Variants in ZNF148 observed in about 807,000 individuals in gnomAD.
ZNF148 encodes Beta-Enolase Repressor Factor-1.
Under a neutral mutation model 67.7 loss-of-function variants are expected in ZNF148, and 7 were observed. The observed-to-expected ratio is 0.10, with a 90% CI of 0.06 to 0.19. The LOEUF (loss-of-function observed/expected upper bound fraction) is 0.19. Ranked by LOEUF, ZNF148 falls within the 10% of genes least tolerant of loss-of-function variation. ZNF148 has a pLI of 1.00. For synonymous variants in ZNF148, 333 were observed against 330.7 expected, an observed-to-expected ratio of 1.01 and a Z score of -0.08; for missense variants, 583 against 947.1, an observed-to-expected ratio of 0.62 and a Z score of 5.05.
chr3:125,331,942 T>C (rs915172688), intron 1 of ZNF148, among the ~76,000 whole-genome samples: 62 of 152,136 alleles, frequency 4.1e-4, no homozygotes, highest in Admixed American at 2.4e-3. Flanking sequence ...TTATCAGAAA[T>C]AAAGAACAAG....
chr3:125,341,912 C>G (rs1941737836), intron 1 of ZNF148, among the ~76,000 whole-genome samples: 1 of 149,684 alleles, frequency 6.7e-6, no homozygotes, highest in Admixed American at 6.8e-5. Flanking sequence ...AGGGGAATGA[C>G]TTGAGCCTGG....
intron 7 of ZNF148, among the ~76,000 whole-genome samples, chr3:125,245,962 G>A (rs1249562667): frequency 1.3e-5 from 2 of 152,088 alleles, no homozygotes; most frequent in Admixed American, 6.6e-5. Flanking sequence ...ACCTGTCTTC[G>A]CAATTCCCCA....
intron 4 of ZNF148, among the ~76,000 whole-genome samples, chr3:125,297,811 G>C (rs557364266): frequency 1.3e-5 from 2 of 152,244 alleles, no homozygotes; most frequent in South Asian, 4.1e-4. Flanking sequence ...AAAAACTTCT[G>C]TCAGTATGTA....
At chr3:125,260,500 A>G (rs952506573) in intron 7 of ZNF148, among the ~76,000 whole-genome samples, 3 of 152,226 alleles carry the variant, frequency 2.0e-5, no homozygotes, top group Non-Finnish European at 4.4e-5. Context: ...TAAGTGAAGT[A>G]AGTCAGATTC....
intron 7 of ZNF148, among the ~76,000 whole-genome samples, chr3:125,252,084 T>C (rs922770241): frequency 4.6e-5 from 7 of 152,196 alleles, no homozygotes; most frequent in African/African-American, 1.7e-4. Context: ...ATATCCTTTT[T>C]GTGTTTCTGT....
intron 7 of ZNF148, among the ~76,000 whole-genome samples, chr3:125,264,550 G>GT (rs1165883674): frequency 2.3e-4 from 35 of 152,142 alleles, no homozygotes; most frequent in Admixed American, 2.3e-3. Context: ...CATCTGCCTT[G>GT]TTTTTTAATT....
chr3:125,231,563 C>G lies in ZNF148; in HGVS notation c.*778G>C, dbSNP rs1935854977. The G allele has an allele frequency of 6.6e-6, 1 of 152,428 alleles. No homozygotes were observed. Among genetic ancestry groups the G allele is most frequent in the South Asian group, 2.1e-4 (1 of 4,828 alleles). 9.4% of individuals were successfully genotyped at this position (152,428 alleles called of 1,614,324 possible). On this transcript the variant is annotated 3_prime_UTR_variant, in exon 9 of 9. Transcript: ENST00000360647. ...TAAAACTTCAAAACCTTGATACCTG[C>G]ACATGAAAAATCATAAAAAATATCT... is the stretch of plus-strand genomic sequence containing the variant.
intron 7 of ZNF148, among the ~76,000 whole-genome samples, chr3:125,252,538 G>T (rs1936885166): frequency 6.6e-6 from 1 of 152,018 alleles, no homozygotes; most frequent in Non-Finnish European, 1.5e-5. Flanking sequence ...CCCTGCATGA[G>T]GCGGGTGGAT....
At chr3:125,281,030 T>C (rs1938356657) in intron 5 of ZNF148, among the ~76,000 whole-genome samples, 1 of 152,202 alleles carries the variant, frequency 6.6e-6, no homozygotes, top group Admixed American at 6.5e-5. Flanking sequence ...CTTTAATCCT[T>C]AAAACATTTT....
intron 4 of ZNF148, among the ~76,000 whole-genome samples, chr3:125,289,529 T>C (rs566304660): frequency 8.5e-5 from 13 of 152,318 alleles, no homozygotes; most frequent in Admixed American, 2.6e-4. Context: ...CAAAATACGA[T>C]GGTAAAATCA....
intron 2 of ZNF148, among the ~76,000 whole-genome samples, chr3:125,326,972 C>T (rs1215147653): frequency 6.6e-6 from 1 of 151,058 alleles, no homozygotes; most frequent in Non-Finnish European, 1.5e-5. Flanking sequence ...GGAAAGGCAG[C>T]GACTGTCGGA....
intron 5 of ZNF148, among the ~76,000 whole-genome samples, chr3:125,279,994 C>T (rs1244186892): frequency 6.6e-6 from 1 of 150,596 alleles, no homozygotes; most frequent in African/African-American, 2.4e-5. Context: ...TTACCTATTA[C>T]TAAAAAAAAA....
intron 1 of ZNF148, among the ~76,000 whole-genome samples, chr3:125,372,063 CAAA>C (rs35024355): frequency 9.3e-4 from 108 of 115,670 alleles, no homozygotes; most frequent in African/African-American, 2.4e-3. Context: ...GACTCCGTCT[CAAA>C]AAAAAAAAAA....
intron 7 of ZNF148, among the ~76,000 whole-genome samples, chr3:125,236,883 T>C (rs1185479135): frequency 6.6e-6 from 1 of 152,114 alleles, no homozygotes; most frequent in Non-Finnish European, 1.5e-5. Context: ...CTTACTACAA[T>C]GAATCCAGAC....
chr3:125,322,280 C>A (rs1238405387), intron 3 of ZNF148, among the ~76,000 whole-genome samples: 3 of 152,020 alleles, frequency 2.0e-5, no homozygotes, highest in South Asian at 2.1e-4. Flanking sequence ...CCAGCCTCAG[C>A]CTGCCAGCCT....
chr3:125,372,082 A>G (rs1366473282), intron 1 of ZNF148, among the ~76,000 whole-genome samples: 1 of 142,404 alleles, frequency 7.0e-6, no homozygotes, highest in Non-Finnish European at 1.5e-5. Flanking sequence ...AAAAAAAAAA[A>G]TACTGCAATC....
intron 1 of ZNF148, among the ~76,000 whole-genome samples, chr3:125,369,286 A>AAAG (rs1942798578): frequency 7.3e-6 from 1 of 136,926 alleles, no homozygotes; most frequent in Non-Finnish European, 1.6e-5. Flanking sequence ...AAAAAAAAAA[A>AAAG]GCCATAGAAG....
intron 1 of ZNF148, among the ~76,000 whole-genome samples, chr3:125,333,754 C>T (rs1469506647): frequency 6.6e-6 from 1 of 152,124 alleles, no homozygotes; most frequent in Non-Finnish European, 1.5e-5. Flanking sequence ...CAGATATAAA[C>T]AGATTAAGAC....
chr3:125,271,560 G>A (rs80330208), intron 7 of ZNF148, among the ~76,000 whole-genome samples: 4,079 of 152,262 alleles, frequency 0.027, 75 homozygotes, highest in South Asian at 0.062. Flanking sequence ...CACAAACTTC[G>A]AAGAGCTAGA....
Sources: allele counts gnomAD v4.1 joint callset (sites outside exome capture counted in the v4.1 genomes callset), GRCh38; gene constraint gnomAD v4.1.1; transcripts MANE v1.5; gene names NCBI Gene and HGNC (gene_info 2026-07-23, HGNC 2026-07-21).